Variants in PRKCE observed in about 807,000 individuals in gnomAD.
PRKCE encodes the protein protein kinase C epsilon.
In PRKCE, 16 loss-of-function variants were observed where a neutral mutation model predicts 85.4. That is an observed-to-expected ratio of 0.19 (90% CI 0.13 to 0.28). The LOEUF (loss-of-function observed/expected upper bound fraction) is 0.28. Ranked by LOEUF, PRKCE falls within the 10% of genes least tolerant of loss-of-function variation. The pLI, the probability that PRKCE is intolerant of heterozygous loss-of-function variation, is 1.00. For missense variants in PRKCE, 573 were observed against 975.2 expected (o/e 0.59, Z 5.49); for synonymous variants, 388 against 371.5 (o/e 1.04, Z -0.51).
chr2:46,049,113 A>G (rs868165434), intron 10 of PRKCE, among the ~76,000 whole-genome samples: 2 of 152,190 alleles, frequency 1.3e-5, no homozygotes, highest in Non-Finnish European at 2.9e-5. Flanking sequence ...AAAGGCAGGA[A>G]GGAGATACAA....
At chr2:45,972,791 A>G (rs1702194041) in intron 2 of PRKCE, among the ~76,000 whole-genome samples, 1 of 152,220 alleles carries the variant, frequency 6.6e-6, no homozygotes, top group South Asian at 2.1e-4. Flanking sequence ...GGAAGAATTA[A>G]TGTTTGTTAA....
At chr2:45,850,496 T>C (rs1251838922) in intron 2 of PRKCE, among the ~76,000 whole-genome samples, 1 of 152,256 alleles carries the variant, frequency 6.6e-6, no homozygotes, top group Non-Finnish European at 1.5e-5. Context: ...TTGTTGTTGA[T>C]GTCTTCATGA....
intron 11 of PRKCE, among the ~76,000 whole-genome samples, chr2:46,103,108 T>G (rs1239004312): frequency 6.6e-6 from 1 of 152,240 alleles, no homozygotes; most frequent in Non-Finnish European, 1.5e-5. Flanking sequence ...TTTATTTATA[T>G]CAATATGAAC....
chr2:45,845,079 T>TTTA (rs1691668136), intron 2 of PRKCE, among the ~76,000 whole-genome samples: 1 of 150,918 alleles, frequency 6.6e-6, no homozygotes, highest in African/African-American at 2.4e-5. Context: ...TTTTTTTTTT[T>TTTA]AAATTGCTGT....
chr2:45,857,794 C>T (rs765167743), intron 2 of PRKCE, among the ~76,000 whole-genome samples: 4 of 152,064 alleles, frequency 2.6e-5, no homozygotes, highest in African/African-American at 4.8e-5. Flanking sequence ...TAAGCTCTAT[C>T]GGGGCAGGGA....
chr2:45,945,060 C>A (rs917226087), intron 2 of PRKCE, among the ~76,000 whole-genome samples: 1 of 152,060 alleles, frequency 6.6e-6, no homozygotes, highest in Non-Finnish European at 1.5e-5. Context: ...AAAACTTTCT[C>A]GCATTAGGCA....
At chr2:45,673,824 A>G (rs1676290292) in intron 1 of PRKCE, among the ~76,000 whole-genome samples, 1 of 152,158 alleles carries the variant, frequency 6.6e-6, no homozygotes, top group African/African-American at 2.4e-5. Context: ...GTCTTTAGTG[A>G]GTGACATTTA....
chr2:45,896,971 G>A (rs1258436180), intron 2 of PRKCE, among the ~76,000 whole-genome samples: 1 of 152,118 alleles, frequency 6.6e-6, no homozygotes, highest in Non-Finnish European at 1.5e-5. Flanking sequence ...CTAGCTACTT[G>A]GGAGGCTGAG....
chr2:46,023,530 TGA>T (rs1296737163), intron 10 of PRKCE, among the ~76,000 whole-genome samples: 1 of 152,256 alleles, frequency 6.6e-6, no homozygotes, highest in Non-Finnish European at 1.5e-5. Flanking sequence ...CTGGTTAATG[TGA>T]GGATAACATC....
chr2:45,927,408 A>G (rs943403214), intron 2 of PRKCE, among the ~76,000 whole-genome samples: 2 of 152,214 alleles, frequency 1.3e-5, no homozygotes, highest in Admixed American at 1.3e-4. Context: ...CTTCCTATGA[A>G]GCAGGTATTA....
intron 10 of PRKCE, among the ~76,000 whole-genome samples, chr2:46,060,472 C>T (rs1470860325): frequency 6.6e-6 from 1 of 152,124 alleles, no homozygotes; most frequent in Non-Finnish European, 1.5e-5. Flanking sequence ...CTCCTGGGCA[C>T]CACACACACT....
At chr2:45,764,605 G>A (rs191815460) in intron 1 of PRKCE, among the ~76,000 whole-genome samples, 1 of 152,204 alleles carries the variant, frequency 6.6e-6, no homozygotes, top group Non-Finnish European at 1.5e-5. Context: ...GAAAGAGGTA[G>A]GTGACAGCAG....
chr2:45,980,059 ATG>A (rs1702761783), intron 4 of PRKCE, among the ~76,000 whole-genome samples: 1 of 152,202 alleles, frequency 6.6e-6, no homozygotes, highest in African/African-American at 2.4e-5. Flanking sequence ...AAAACTGCTA[ATG>A]TCCTTTGAAT....
chr2:45,816,339 G>A (rs920768322), intron 1 of PRKCE, among the ~76,000 whole-genome samples: 2 of 152,136 alleles, frequency 1.3e-5, no homozygotes, highest in African/African-American at 4.8e-5. Context: ...CCCCTGGAGT[G>A]TCACGAGGTT....
intron 1 of PRKCE, among the ~76,000 whole-genome samples, chr2:45,763,760 T>A (rs1335061259): frequency 6.6e-6 from 1 of 151,998 alleles, no homozygotes; most frequent in Admixed American, 6.6e-5. Flanking sequence ...AACCCACTCA[T>A]TTTATCAGTG....
At chr2:46,110,010 A>G (rs909692903) in intron 11 of PRKCE, among the ~76,000 whole-genome samples, 8 of 152,096 alleles carry the variant, frequency 5.3e-5, no homozygotes, top group South Asian at 2.1e-4. Context: ...ATTGATTTTC[A>G]AATGTTGAAC....
intron 2 of PRKCE, among the ~76,000 whole-genome samples, chr2:45,929,666 A>AT (rs1324858815): frequency 2.0e-5 from 3 of 152,160 alleles, no homozygotes; most frequent in African/African-American, 7.2e-5. Flanking sequence ...ACCATTGGGA[A>AT]TTTTTGTAAG....
At position 45,856,070 on chromosome 2, in the gene PRKCE, T is replaced by A. The variant is rs78244929; in HGVS notation, c.412+13007T>A. 0.024 allele frequency among the ~76,000 whole-genome samples: 3,586 copies of A among 152,148 alleles called. 187 individuals are homozygous for A. In the East Asian group the frequency reaches 0.25, roughly 11 times the overall value. ...TAAGCCTTTCTTTCTTTTAAAAAAATTTTTTTAAAAAATTATAATCGATAC... is the reference window on the plus strand; with the variant it reads ...TAAGCCTTTCTTTCTTTTAAAAAAAATTTTTTAAAAAATTATAATCGATAC... On this transcript the variant is annotated intron_variant, in intron 2 of 14. Coordinates refer to ENST00000306156, the MANE Select transcript of PRKCE (RefSeq NM_005400.3).
chr2:45,683,732 G>T (rs570439405), intron 1 of PRKCE, among the ~76,000 whole-genome samples: 1 of 152,310 alleles, frequency 6.6e-6, no homozygotes, highest in East Asian at 1.9e-4. Flanking sequence ...GATGACAAAA[G>T]ATAAAATATA....
Sources: gnomAD v4.1 joint callset for allele counts (sites outside exome capture counted in the v4.1 genomes callset) on GRCh38, gnomAD v4.1.1 for gene constraint, MANE v1.5 for transcripts, NCBI Gene and HGNC (gene_info 2026-07-23, HGNC 2026-07-21) for gene names.